USP34: variants seen among roughly 807,000 people sequenced by gnomAD.
The protein encoded by USP34 is ubiquitin specific peptidase 34.
USP34 carries 70 observed loss-of-function variants against 460.3 expected under a neutral mutation model. The observed-to-expected ratio is 0.15, with a 90% CI of 0.13 to 0.19. USP34 has a LOEUF of 0.19. Among genes scored for constraint, USP34 ranks in the 10% least tolerant of loss-of-function variants. USP34 has a pLI of 1.00. For synonymous variants in USP34, 1,647 were observed against 1,405.3 expected (o/e 1.17, Z -3.85); for missense variants, 3,985 against 4,236.2 (o/e 0.94, Z 1.65).
At chr2:61,237,779 T>C (rs1479661361) in intron 53 of USP34, among the ~76,000 whole-genome samples, 1 of 151,370 alleles carries the variant, frequency 6.6e-6, no homozygotes, top group African/African-American at 2.4e-5. Flanking sequence ...TTTTGCCCTG[T>C]TGCCCAGGCT....
chr2:61,369,183 G>A (rs1225849073), intron 10 of USP34, among the ~76,000 whole-genome samples: 3 of 152,182 alleles, frequency 2.0e-5, no homozygotes, highest in Admixed American at 6.5e-5. Context: ...TAAGGGGAAA[G>A]TGAAACTGCC....
intron 1 of USP34, among the ~76,000 whole-genome samples, chr2:61,428,690 G>A (rs936170641): frequency 2.0e-5 from 3 of 152,176 alleles, no homozygotes; most frequent in Admixed American, 2.0e-4. Flanking sequence ...TATGCACTAA[G>A]CAAGCCACGG....
At chr2:61,385,666 T>G (rs1330475349) in intron 5 of USP34, among the ~76,000 whole-genome samples, 1 of 85,964 alleles carries the variant, frequency 1.2e-5, no homozygotes, top group Admixed American at 1.7e-4. Context: ...AGCAAGACTC[T>G]GTCTCAAAAA....
intron 67 of USP34, 82 bp downstream of exon 67, chr2:61,220,228 G>T: frequency 2.7e-6 from 3 of 1,105,068 alleles, no homozygotes; most frequent in Non-Finnish European, 1.2e-6. Context: ...CAATGGGCAT[G>T]TCGTAGTTGC....
intron 21 of USP34, among the ~76,000 whole-genome samples, chr2:61,322,188 C>T (rs1390622409): frequency 6.6e-6 from 1 of 152,054 alleles, no homozygotes; most frequent in Non-Finnish European, 1.5e-5. Flanking sequence ...CAAGATCACG[C>T]CAATGTACTC....
chr2:61,370,576 G>T lies in USP34; in HGVS notation c.1080C>A (p.Ser360=), dbSNP rs148044371. 241 of 1,613,006 alleles carry T rather than the reference G, an allele frequency of 1.5e-4. No individual in the cohort carries two copies. In the African/African-American group the frequency reaches 2.9e-3, roughly 19 times the overall value. The stretch of plus-strand genomic sequence containing the variant: ...GCCAGTCTGCAAGTTCTTTTGCAAT[G>T]GACCTAAAGTCAAGCAATGAAAATA... ...NESLVSDTET[S]IAKELADWLI... Residue 360 remains serine, a synonymous_variant, in exon 9 of 80, where the codon TCC becomes TCA. Transcript: ENST00000398571.
chr2:61,464,923 A>G (rs2104113386), intron 1 of USP34, among the ~76,000 whole-genome samples: 1 of 152,228 alleles, frequency 6.6e-6, no homozygotes, highest in South Asian at 2.1e-4. Context: ...GTAACTACAA[A>G]AGCAGTTATC....
intron 20 of USP34, among the ~76,000 whole-genome samples, chr2:61,328,287 G>C (rs1691157668): frequency 8.0e-6 from 1 of 124,504 alleles, no homozygotes. Context: ...GGGCAAAAGA[G>C]CAAAAACTCC....
chr2:61,345,696 G>A (rs540341774), intron 15 of USP34, among the ~76,000 whole-genome samples: 1 of 152,262 alleles, frequency 6.6e-6, no homozygotes, highest in South Asian at 2.1e-4. Context: ...GTGTAGTGGT[G>A]CAATCACCAC....
intron 10 of USP34, among the ~76,000 whole-genome samples, chr2:61,351,519 T>A (rs1014979824): frequency 5.2e-4 from 79 of 152,230 alleles, no homozygotes; most frequent in African/African-American, 1.9e-3. Flanking sequence ...GATAGGGTAA[T>A]AAACAGAAGA....
chr2:61,203,036 TAAAA>T lies in USP34; in HGVS notation c.9508+100_9508+103del, dbSNP rs1424710038. ...TATTAATATTTTTAAGCATTCACTT[TAAAA>T]AAAGAAAAAAAGGATTGTCTCATAA... is the stretch of plus-strand genomic sequence containing the variant. On this transcript the variant is annotated intron_variant, in intron 75 of 79. Transcript: ENST00000398571. 3 of 1,276,630 alleles carry T rather than the reference TAAAA, an allele frequency of 2.3e-6. No homozygotes were observed. In the East Asian group the frequency reaches 7.6e-5, roughly 32 times the overall value. 79.1% of individuals were successfully genotyped at this position (1,276,630 alleles called of 1,614,324 possible).
intron 1 of USP34, among the ~76,000 whole-genome samples, chr2:61,442,677 G>A (rs564646030): frequency 6.6e-6 from 1 of 152,242 alleles, no homozygotes; most frequent in South Asian, 2.1e-4. Flanking sequence ...AACTAGCACA[G>A]CCACTATAGA....
At chr2:61,457,961 A>G (rs972176963) in intron 1 of USP34, among the ~76,000 whole-genome samples, 6 of 152,206 alleles carry the variant, frequency 3.9e-5, no homozygotes, top group Non-Finnish European at 8.8e-5. Flanking sequence ...GAAAACAGGA[A>G]ACACCACATC....
At chr2:61,292,693 A>G (rs997081077) in intron 33 of USP34, among the ~76,000 whole-genome samples, 7 of 152,214 alleles carry the variant, frequency 4.6e-5, no homozygotes, top group African/African-American at 1.4e-4. Flanking sequence ...CACAGGAACT[A>G]AGAAAATACT....
intron 75 of USP34, among the ~76,000 whole-genome samples, chr2:61,202,134 T>A (rs1686993609): frequency 6.6e-6 from 1 of 152,210 alleles, no homozygotes; most frequent in Non-Finnish European, 1.5e-5. Context: ...AGTGGAATTA[T>A]CCCTGACAGC....
intron 1 of USP34, among the ~76,000 whole-genome samples, chr2:61,447,307 G>C (rs1161320752): frequency 7.1e-6 from 1 of 140,016 alleles, no homozygotes; most frequent in African/African-American, 2.6e-5. Context: ...TAATTCCACT[G>C]ATCTCATCAG....
intron 1 of USP34, among the ~76,000 whole-genome samples, chr2:61,433,305 C>A (rs1391580348): frequency 6.6e-6 from 1 of 152,182 alleles, no homozygotes; most frequent in Admixed American, 6.5e-5. Context: ...CTCACCAGCA[C>A]TCCCATTACC....
intron 5 of USP34, among the ~76,000 whole-genome samples, chr2:61,385,706 A>C (rs1693120754): frequency 6.7e-6 from 1 of 148,464 alleles, no homozygotes; most frequent in African/African-American, 2.5e-5. Context: ...AAATACGACA[A>C]GGAGAAGCTG....
chr2:61,301,676 T>C (rs568370860), intron 27 of USP34, among the ~76,000 whole-genome samples: 138 of 152,230 alleles, frequency 9.1e-4, no homozygotes, highest in Non-Finnish European at 1.6e-3. Context: ...ATCTTCCCTA[T>C]CTCACACTAT....
Sources: allele counts gnomAD v4.1 joint callset (sites outside exome capture counted in the v4.1 genomes callset), GRCh38; gene constraint gnomAD v4.1.1; transcripts MANE v1.5; gene names NCBI Gene and HGNC (gene_info 2026-07-23, HGNC 2026-07-21).